The following SLC4A8 variants were observed in gnomAD, a reference collection of about 807,000 sequenced individuals.
SLC4A8 encodes solute carrier family 4 member 8, also known as electroneutral sodium bicarbonate exchanger 1.
In SLC4A8, 40 loss-of-function variants were observed where a neutral mutation model predicts 125.0. The observed-to-expected ratio is 0.32, with a 90% confidence interval of 0.25 to 0.42. The LOEUF (loss-of-function observed/expected upper bound fraction) is 0.42, where lower values mean the gene tolerates loss of function less well. Among genes scored for constraint, SLC4A8 ranks in the 10% least tolerant of loss-of-function variants. The pLI is 1.00. For missense variants in SLC4A8, 863 were observed against 1,355.1 expected, an observed-to-expected ratio of 0.64 and a Z score of 5.70; for synonymous variants, 456 against 476.0, an observed-to-expected ratio of 0.96 and a Z score of 0.55.
chr12:51,509,200 A>G lies in SLC4A8; in HGVS notation c.*1762A>G, dbSNP rs1167487762. 1 of 152,646 alleles carries G rather than the reference A, an allele frequency of 6.6e-6. No homozygotes were observed. Among genetic ancestry groups the G allele is most frequent in the Non-Finnish European group, 1.5e-5 (1 of 68,062 alleles). The allele number at this position is 152,646 out of a possible 1,614,324, so 9.5% of individuals were successfully genotyped here. On this transcript the variant is annotated 3_prime_UTR_variant, in exon 25 of 25. Transcript: ENST00000453097. Reference sequence around the variant, plus strand: ...AATGGTGTTCCTTTGAATCGTGGGTATTGTTCCTGGTTTGTCTCATTTCTA... The same window carrying G: ...AATGGTGTTCCTTTGAATCGTGGGTGTTGTTCCTGGTTTGTCTCATTTCTA...
upstream of SLC4A8, chr12:51,424,656 A>C (rs1170636663): frequency 5.6e-6 from 2 of 359,538 alleles, no homozygotes; most frequent in East Asian, 1.0e-4. Flanking sequence ...TCACGCCCAG[A>C]GGCCCCTGAA....
At position 51,511,088 on chromosome 12, in the gene SLC4A8, G is replaced by A. The variant is rs757432753; in HGVS notation, c.*3650G>A. On this transcript the variant is annotated 3_prime_UTR_variant, in exon 25 of 25. Transcript: ENST00000453097. ...GATTTCCCATTGTTCATCTGTGAATGTTGATTGGCCAACCTGTCTGAGCTT... is the reference window on the plus strand; with the variant it reads ...GATTTCCCATTGTTCATCTGTGAATATTGATTGGCCAACCTGTCTGAGCTT... 2.6e-5 allele frequency: 4 copies of A among 152,156 alleles called. No individual in the cohort carries two copies. The highest frequency in any genetic ancestry group is 5.9e-5 in the Non-Finnish European group (4 of 68,030). The allele number at this position is 152,156 out of a possible 1,614,324, so 9.4% of individuals were successfully genotyped here. A position where few individuals can be genotyped will look rare whatever the true frequency, so the allele number is the denominator to read the frequency against.
intron 1 of SLC4A8, among the ~76,000 whole-genome samples, chr12:51,418,742 G>A (rs72644883): frequency 0.082 from 12,476 of 152,178 alleles, 651 homozygotes; most frequent in Admixed American, 0.15. Context: ...GTCTGACTGG[G>A]TATCTTTTTT....
rs142558282 is a variant in SLC4A8, at chr12:51,461,046, C to G, written c.1014-158C>G. ...TGGAGCTATTATTAGGTCAAGGCAA[C>G]TCAAAGTGCTCCTTCATTACTGTCT... On this transcript the variant is annotated intron_variant, in intron 8 of 24. Coordinates refer to ENST00000453097, the MANE Select transcript of SLC4A8 (RefSeq NM_001039960.3). Among the ~76,000 whole-genome samples the G allele has an allele frequency of 2.7e-3, 411 of 152,082 alleles. 1 individual carries two copies. The highest frequency in any genetic ancestry group is 9.6e-3 in the African/African-American group (397 of 41,488).
At chr12:51,418,183 A>G (rs541933054) in intron 1 of SLC4A8, among the ~76,000 whole-genome samples, 1 of 152,190 alleles carries the variant, frequency 6.6e-6, no homozygotes, top group African/African-American at 2.4e-5. Flanking sequence ...AGCATTTGGA[A>G]TGAAGAGTGA....
chr12:51,411,977 G>A (rs781113164), intron 1 of SLC4A8, among the ~76,000 whole-genome samples: 1 of 152,122 alleles, frequency 6.6e-6, no homozygotes, highest in African/African-American at 2.4e-5. Flanking sequence ...TGGGAGGATC[G>A]CTTAAGCCCA....
At chr12:51,440,896 G>A (rs1422685913) in intron 2 of SLC4A8, 107 bp downstream of exon 2, 1 of 1,054,672 alleles carries the variant, frequency 9.5e-7, no homozygotes, top group African/African-American at 1.7e-5. Flanking sequence ...AGACCTTGGG[G>A]AAAATCACTT....
chr12:51,425,230 T>G, intron 1 of SLC4A8, 195 bp downstream of exon 1: 1 of 1,376,188 alleles, frequency 7.3e-7, no homozygotes, highest in Non-Finnish European at 9.4e-7. Flanking sequence ...AGAGTGACCT[T>G]GGGCCGAACC....
upstream of SLC4A8, among the ~76,000 whole-genome samples, chr12:51,421,208 A>G (rs1028565183): frequency 6.6e-6 from 1 of 152,194 alleles, no homozygotes; most frequent in Non-Finnish European, 1.5e-5. Flanking sequence ...GAATACCCCC[A>G]GCTCCACTAG....
intron 1 of SLC4A8, among the ~76,000 whole-genome samples, chr12:51,408,887 A>G (rs1240635322): frequency 6.6e-6 from 1 of 152,124 alleles, no homozygotes; most frequent in East Asian, 1.9e-4. Context: ...AATGCATCTG[A>G]CTAGGTACCC....
chr12:51,501,262 A>C (rs1412566901), intron 22 of SLC4A8, among the ~76,000 whole-genome samples: 1 of 152,248 alleles, frequency 6.6e-6, no homozygotes, highest in Non-Finnish European at 1.5e-5. Flanking sequence ...CCTGTCACCC[A>C]AGTAGTGAAC....
chr12:51,428,779 T>A (rs1162828690), intron 1 of SLC4A8, among the ~76,000 whole-genome samples: 1 of 152,278 alleles, frequency 6.6e-6, no homozygotes, highest in Non-Finnish European at 1.5e-5. Context: ...CCAGGCACTA[T>A]GCTAAGTGTT....
intron 7 of SLC4A8, 26 bp downstream of exon 7, chr12:51,458,676 T>C (rs1239345423): frequency 1.3e-6 from 2 of 1,511,530 alleles, no homozygotes; most frequent in East Asian, 2.3e-5. Flanking sequence ...GGAAGTTGGC[T>C]TCAAGGCCTA....
chr12:51,507,039 G>C (rs1386852261), intron 24 of SLC4A8, among the ~76,000 whole-genome samples: 2 of 152,034 alleles, frequency 1.3e-5, no homozygotes, highest in African/African-American at 2.4e-5. Context: ...CACTGTTTCT[G>C]GTGTTCAGTT....
chr12:51,495,251 C>A, intron 21 of SLC4A8, 133 bp downstream of exon 21: 2 of 705,622 alleles, frequency 2.8e-6, no homozygotes, highest in Non-Finnish European at 4.6e-6. Context: ...TGCTGTGGAG[C>A]TATTACCACC....
chr12:51,482,756 A>G (rs536994424), intron 16 of SLC4A8, among the ~76,000 whole-genome samples: 1 of 152,296 alleles, frequency 6.6e-6, no homozygotes, highest in African/African-American at 2.4e-5. Flanking sequence ...CCATAGGTAG[A>G]AAAGGTAATT....
At chr12:51,484,782 C>T (rs1951120515) in intron 16 of SLC4A8, among the ~76,000 whole-genome samples, 1 of 151,924 alleles carries the variant, frequency 6.6e-6, no homozygotes, top group Non-Finnish European at 1.5e-5. Context: ...ATGGGAATCT[C>T]CAACAAAATA....
intron 1 of SLC4A8, among the ~76,000 whole-genome samples, chr12:51,402,532 G>A (rs1185677136): frequency 6.6e-6 from 1 of 152,134 alleles, no homozygotes; most frequent in Non-Finnish European, 1.5e-5. Flanking sequence ...GACCAGCCTG[G>A]CCAACATGGT....
intron 6 of SLC4A8, 74 bp from the exon 7 acceptor site, chr12:51,458,485 C>T (rs1029527385): frequency 5.7e-6 from 6 of 1,057,410 alleles, no homozygotes; most frequent in Non-Finnish European, 7.4e-6. Context: ...GCAGAACCAA[C>T]TGATGATGGG....
Sources: gnomAD v4.1 joint callset for allele counts (sites outside exome capture counted in the v4.1 genomes callset) on GRCh38, gnomAD v4.1.1 for gene constraint, MANE v1.5 for transcripts, NCBI Gene and HGNC (gene_info 2026-07-23, HGNC 2026-07-21) for gene names.